ZFHX3: variants seen among roughly 807,000 people sequenced by gnomAD.
ZFHX3 encodes zinc finger homeobox 3.
A neutral mutation model predicts 279.1 loss-of-function variants in ZFHX3; 42 were observed. The ratio of observed to expected loss-of-function variants is 0.15; its 90% CI spans 0.12 to 0.19. The LOEUF is 0.19. Ranked by LOEUF, ZFHX3 falls within the 10% of genes least tolerant of loss-of-function variation. ZFHX3 has a pLI of 1.00. For synonymous variants in ZFHX3, 2,293 were observed against 1,957.8 expected (o/e 1.17, Z -4.52); for missense variants, 4,981 against 4,754.0 (o/e 1.05, Z -1.40).
Position 72,884,654 on chromosome 16 carries a change from G to A in ZFHX3, c.3448+5077C>T, listed in dbSNP as rs560044590. Among the ~76,000 whole-genome samples the A allele has an allele frequency of 5.9e-5, 9 of 152,310 alleles. No individual in the cohort carries two copies. In the East Asian group the frequency reaches 1.2e-3, roughly 20 times the overall value. On this transcript the variant is annotated intron_variant, in intron 4 of 9. Transcript: ENST00000268489. ...CAGGAGGAGGAGAAGGAGAAAGGCC[G>A]ACAGCAGAAACACAAAGGGCCTGTG...
At chr16:73,442,884 T>C (rs917642704) in intron 3 of ZFHX3, among the ~76,000 whole-genome samples, 1 of 152,212 alleles carries the variant, frequency 6.6e-6, no homozygotes, top group Non-Finnish European at 1.5e-5. Flanking sequence ...CCCGAGCAGC[T>C]ACAGACATGT....
intron 3 of ZFHX3, among the ~76,000 whole-genome samples, chr16:73,451,641 T>C (rs1056289144): frequency 6.6e-6 from 1 of 152,232 alleles, no homozygotes; most frequent in African/African-American, 2.4e-5. Context: ...AGCATTTTTC[T>C]AAATTATTAT....
intron 1 of ZFHX3, among the ~76,000 whole-genome samples, chr16:72,993,389 C>T (rs1048513755): frequency 1.3e-5 from 2 of 152,218 alleles, no homozygotes; most frequent in Admixed American, 6.5e-5. Flanking sequence ...CCACAGGCCC[C>T]CCTACCGTTA....
intron 5 of ZFHX3, among the ~76,000 whole-genome samples, chr16:73,218,226 C>T (rs2012282893): frequency 1.3e-5 from 2 of 152,158 alleles, no homozygotes; most frequent in South Asian, 2.1e-4. Context: ...CACAACCATG[C>T]CTAAATAAGA....
At chr16:73,553,625 T>C (rs1016037173) in intron 2 of ZFHX3, among the ~76,000 whole-genome samples, 2 of 152,194 alleles carry the variant, frequency 1.3e-5, no homozygotes, top group African/African-American at 4.8e-5. Flanking sequence ...GGTCACAACC[T>C]CTTTATATTT....
chr16:72,974,604 G>A (rs1207071485), intron 1 of ZFHX3, among the ~76,000 whole-genome samples: 1 of 131,850 alleles, frequency 7.6e-6, no homozygotes, highest in Non-Finnish European at 1.6e-5. Context: ...CACACACACA[G>A]CCTCTCACCA....
intron 4 of ZFHX3, among the ~76,000 whole-genome samples, chr16:73,291,423 C>A (rs2014767579): frequency 6.6e-6 from 1 of 152,208 alleles, no homozygotes; most frequent in Non-Finnish European, 1.5e-5. Flanking sequence ...TGGCTCCTTG[C>A]TGGTTATGAG....
At chr16:72,907,366 G>A (rs1352660505) in intron 3 of ZFHX3, among the ~76,000 whole-genome samples, 1 of 151,746 alleles carries the variant, frequency 6.6e-6, no homozygotes, top group Admixed American at 6.6e-5. Flanking sequence ...CTTTCCTCAC[G>A]CTCTAATCTC....
chr16:73,580,395 T>C (rs2051847653), intron 2 of ZFHX3, among the ~76,000 whole-genome samples: 1 of 151,898 alleles, frequency 6.6e-6, no homozygotes, highest in Admixed American at 6.5e-5. Context: ...GGAGAATCTC[T>C]TGTACCCAGA....
intron 2 of ZFHX3, among the ~76,000 whole-genome samples, chr16:73,614,653 C>G (rs76169961): frequency 2.0e-5 from 3 of 152,060 alleles, no homozygotes; most frequent in Non-Finnish European, 4.4e-5. Flanking sequence ...AACCTTTGAC[C>G]GCTCTACAGG....
chr16:73,698,864 TTTTGTTTG>T (rs3049564), intron 1 of ZFHX3, among the ~76,000 whole-genome samples: 140,187 of 150,898 alleles, frequency 0.93, 65,239 homozygotes, highest in Non-Finnish European at 0.96. Flanking sequence ...ACAGTTTTAT[TTTTGTTTG>T]TTTGTTTGTT....
At position 73,787,709 on chromosome 16, in the gene ZFHX3, T is replaced by C. The variant is rs540657161; in HGVS notation, c.-1608+103942A>G. Reference sequence around the variant, plus strand: ...TGAATGATGGATGCACTATCTGGCATAGGAATCATAAGAAGTGACTTCATA... The same window carrying C: ...TGAATGATGGATGCACTATCTGGCACAGGAATCATAAGAAGTGACTTCATA... On this transcript the variant is annotated intron_variant, in intron 1 of 17. Coordinates refer to the ZFHX3 transcript ENST00000641206. 2.6e-5 allele frequency among the ~76,000 whole-genome samples: 4 copies of C among 152,264 alleles called. No individual in the cohort carries two copies. In the South Asian group the frequency reaches 8.3e-4, roughly 32 times the overall value.
At chr16:73,068,819 A>C (rs894070397) in intron 8 of ZFHX3, among the ~76,000 whole-genome samples, 1 of 152,220 alleles carries the variant, frequency 6.6e-6, no homozygotes, top group African/African-American at 2.4e-5. Context: ...TGAGTGCTCC[A>C]CTTGCAGGCC....
intron 2 of ZFHX3, among the ~76,000 whole-genome samples, chr16:73,640,524 T>A (rs1168726041): frequency 2.0e-5 from 3 of 152,112 alleles, no homozygotes; most frequent in African/African-American, 4.8e-5. Context: ...GGACATTGCC[T>A]CTAGAAAACA....
intron 1 of ZFHX3, among the ~76,000 whole-genome samples, chr16:73,753,481 A>G (rs1343070640): frequency 6.6e-6 from 1 of 152,110 alleles, no homozygotes; most frequent in African/African-American, 2.4e-5. Flanking sequence ...CCTTCCCTCA[A>G]TTTACTTTAA....
At chr16:72,805,692 A>G (rs1597254961) in intron 7 of ZFHX3, among the ~76,000 whole-genome samples, 3 of 152,224 alleles carry the variant, frequency 2.0e-5, no homozygotes, top group Middle Eastern at 6.8e-3. Context: ...CCTTTCCTGT[A>G]CCTAGACAGC....
chr16:73,158,339 A>G (rs1472529785), intron 5 of ZFHX3, among the ~76,000 whole-genome samples: 1 of 152,142 alleles, frequency 6.6e-6, no homozygotes, highest in Non-Finnish European at 1.5e-5. Flanking sequence ...TCTTTATAAG[A>G]CTGGTAGTAT....
At chr16:73,814,111 G>T (rs1227782814) in intron 1 of ZFHX3, among the ~76,000 whole-genome samples, 2 of 152,166 alleles carry the variant, frequency 1.3e-5, no homozygotes, top group Non-Finnish European at 2.9e-5. Context: ...TGCAGAGAGA[G>T]CAGTGTGATA....
At chr16:72,847,617 T>C (rs1040004980) in intron 4 of ZFHX3, among the ~76,000 whole-genome samples, 23 of 151,680 alleles carry the variant, frequency 1.5e-4, no homozygotes, top group Admixed American at 7.2e-4. Context: ...GAGGCCAGGA[T>C]AAAGAAGGGG....
Sources: gnomAD v4.1 joint callset for allele counts (sites outside exome capture counted in the v4.1 genomes callset) on GRCh38, gnomAD v4.1.1 for gene constraint, MANE v1.5 for transcripts, NCBI Gene and HGNC (gene_info 2026-07-23, HGNC 2026-07-21) for gene names.